The following FMN2 variants were observed in gnomAD, a reference collection of about 807,000 sequenced individuals.
The protein encoded by FMN2 is formin-2.
Under a neutral mutation model 142.3 loss-of-function variants are expected in FMN2, and 51 were observed. That is an observed-to-expected ratio of 0.36 (90% confidence interval 0.29 to 0.45). The LOEUF (loss-of-function observed/expected upper bound fraction) is 0.45, where lower values mean the gene tolerates loss of function less well. Ranked by LOEUF, FMN2 falls within the 20% of genes least tolerant of loss-of-function variation. The probability of loss-of-function intolerance (pLI) is 1.00; values close to 1 mark genes in which losing one functional copy is unlikely to be tolerated. For missense variants in FMN2, 1,936 were observed against 2,122.8 expected (o/e 0.91, Z 1.73); for synonymous variants, 882 against 869.8 (o/e 1.01, Z -0.25).
chr1:240,367,200 T>G (rs776413405), intron 14 of FMN2, among the ~76,000 whole-genome samples: 10 of 152,210 alleles, frequency 6.6e-5, no homozygotes, highest in Non-Finnish European at 1.5e-4. Context: ...TCATGTGTTT[T>G]CACACATTTA....
At chr1:240,141,649 C>A (rs1034808146) in intron 2 of FMN2, among the ~76,000 whole-genome samples, 1 of 152,138 alleles carries the variant, frequency 6.6e-6, no homozygotes, top group Non-Finnish European at 1.5e-5. Flanking sequence ...GGATTACAGG[C>A]GTGAGCCACC....
chr1:240,244,643 C>T (rs1360062155), intron 6 of FMN2, among the ~76,000 whole-genome samples: 2 of 152,148 alleles, frequency 1.3e-5, no homozygotes, highest in Non-Finnish European at 2.9e-5. Context: ...CACAGTTCAA[C>T]CATTATTCAA....
intron 14 of FMN2, among the ~76,000 whole-genome samples, chr1:240,356,882 C>T (rs182196560): frequency 6.6e-6 from 1 of 152,292 alleles, no homozygotes; most frequent in East Asian, 1.9e-4. Flanking sequence ...ACTATTTAAT[C>T]ATTTAAGATA....
chr1:240,365,568 A>G (rs1672641958), intron 14 of FMN2, among the ~76,000 whole-genome samples: 1 of 152,128 alleles, frequency 6.6e-6, no homozygotes. Flanking sequence ...TTCATACACT[A>G]TTTATGTGAG....
intron 7 of FMN2, among the ~76,000 whole-genome samples, chr1:240,280,665 A>C (rs1427621611): frequency 1.3e-5 from 2 of 152,158 alleles, no homozygotes; most frequent in Non-Finnish European, 2.9e-5. Context: ...AAAACATTCA[A>C]CAGACAGTGG....
At chr1:240,366,054 ACCTTGC>A (rs1379940489) in intron 14 of FMN2, among the ~76,000 whole-genome samples, 1 of 152,198 alleles carries the variant, frequency 6.6e-6, no homozygotes, top group African/African-American at 2.4e-5. Context: ...GCAGAGTGTT[ACCTTGC>A]AAAACCTCAG....
At chr1:240,181,010 T>C (rs1665128635) in intron 3 of FMN2, among the ~76,000 whole-genome samples, 1 of 151,992 alleles carries the variant, frequency 6.6e-6, no homozygotes, top group Non-Finnish European at 1.5e-5. Context: ...CATTTTTTGT[T>C]GTTGTTTGTT....
chr1:240,423,482 G>A (rs951869556), intron 15 of FMN2, among the ~76,000 whole-genome samples: 5 of 152,148 alleles, frequency 3.3e-5, no homozygotes, highest in African/African-American at 9.7e-5. Context: ...TCTTGGCCTC[G>A]TCTGTCATAC....
rs763715041 is a variant in FMN2 at position 240,474,124 on chromosome 1, T to G, written c.5143-4T>G. ...AAACTTTTATCTGGTGTATTTGTTT[T>G]CAGAAAGCAAAGATAAGCATGAAAA... is the stretch of plus-strand genomic sequence containing the variant. On this transcript the variant is annotated splice_region_variant and splice_polypyrimidine_tract_variant and intron_variant, in intron 17 of 17. Coordinates refer to ENST00000319653, the MANE Select transcript of FMN2 (RefSeq NM_020066.5). The G allele has an allele frequency of 1.3e-6, 2 of 1,561,914 alleles. No homozygotes were observed. The highest frequency in any genetic ancestry group is 2.5e-5 in the South Asian group (2 of 81,108).
At chr1:240,118,220 T>C (rs950366488) in intron 1 of FMN2, among the ~76,000 whole-genome samples, 1 of 152,004 alleles carries the variant, frequency 6.6e-6, no homozygotes, top group African/African-American at 2.4e-5. Flanking sequence ...GGTTATAAAA[T>C]AATTTACTGA....
chr1:240,119,296 T>C (rs150637362), intron 1 of FMN2, among the ~76,000 whole-genome samples: 4,187 of 140,342 alleles, frequency 0.03, 184 homozygotes, highest in African/African-American at 0.11. Flanking sequence ...GCCATTGCAC[T>C]CCAGCCTAGG....
chr1:240,362,777 A>G (rs1160603088), intron 14 of FMN2, among the ~76,000 whole-genome samples: 4 of 152,112 alleles, frequency 2.6e-5, no homozygotes, highest in African/African-American at 9.7e-5. Flanking sequence ...ATGAATGGCA[A>G]TTTCTTTAAA....
chr1:240,313,402 T>C (rs1300762965), intron 8 of FMN2, among the ~76,000 whole-genome samples: 1 of 152,226 alleles, frequency 6.6e-6, no homozygotes, highest in Non-Finnish European at 1.5e-5. Context: ...ATGTATAATA[T>C]TATATGATGT....
At chr1:240,129,202 A>C (rs1662637973) in intron 2 of FMN2, among the ~76,000 whole-genome samples, 1 of 152,060 alleles carries the variant, frequency 6.6e-6, no homozygotes, top group Non-Finnish European at 1.5e-5. Flanking sequence ...CCAGAGCAGG[A>C]AAAACATTTT....
chr1:240,263,819 G>A (rs935292804), intron 7 of FMN2, among the ~76,000 whole-genome samples: 1 of 152,142 alleles, frequency 6.6e-6, no homozygotes, highest in African/African-American at 2.4e-5. Context: ...CCAGCCCAGG[G>A]TATGAATGGC....
At chr1:240,338,130 TC>T (rs969147298) in intron 13 of FMN2, among the ~76,000 whole-genome samples, 1 of 152,206 alleles carries the variant, frequency 6.6e-6, no homozygotes, top group African/African-American at 2.4e-5. Flanking sequence ...TCATGCAAAT[TC>T]TTCTCTGTAT....
chr1:240,230,224 G>C (rs1022411328), intron 6 of FMN2, among the ~76,000 whole-genome samples: 1 of 129,720 alleles, frequency 7.7e-6, no homozygotes, highest in Non-Finnish European at 1.6e-5. Flanking sequence ...CTGCTTGAGA[G>C]GCTGAGGCAG....
At position 240,207,456 on chromosome 1, in the gene FMN2, C is replaced by A. The variant is rs1222239397; in HGVS notation, c.2644C>A (p.Pro882Thr). Reference sequence around the variant, plus strand: ...GGGCATGGTGCCTCCCCCACCTCCCCCTCTCCCTGGCATGACAGTGCCTAC... The same window carrying A: ...GGGCATGGTGCCTCCCCCACCTCCCACTCTCCCTGGCATGACAGTGCCTAC... ...GLGMVPPPPP[P>T]LPGMTVPTLP... The change falls in exon 5 of 18, where the codon CCT (proline) becomes ACT (threonine). Residue 882 changes from proline (P) to threonine (T), a missense_variant. Coordinates refer to ENST00000319653, the MANE Select transcript of FMN2 (RefSeq NM_020066.5). The A allele has an allele frequency of 3.1e-6, 5 of 1,613,642 alleles. No individual in the cohort carries two copies. In the South Asian group the frequency reaches 5.5e-5, roughly 18 times the overall value.
chr1:240,350,128 A>G (rs1672040505), intron 13 of FMN2, among the ~76,000 whole-genome samples: 2 of 152,224 alleles, frequency 1.3e-5, no homozygotes, highest in Non-Finnish European at 2.9e-5. Flanking sequence ...GGCATTGTGT[A>G]TGTACAAAAT....
Sources: allele counts gnomAD v4.1 joint callset (sites outside exome capture counted in the v4.1 genomes callset), GRCh38; gene constraint gnomAD v4.1.1; transcripts MANE v1.5; gene names NCBI Gene and HGNC (gene_info 2026-07-23, HGNC 2026-07-21).